The following SKP2 variants were observed in gnomAD, a reference collection of about 807,000 sequenced individuals.
SKP2 encodes S-phase kinase-associated protein 2.
Under a neutral mutation model 51.8 loss-of-function variants are expected in SKP2, and 16 were observed. The ratio of observed to expected loss-of-function variants is 0.31; its 90% CI spans 0.21 to 0.47. The LOEUF (loss-of-function observed/expected upper bound fraction) is 0.47. Among genes scored for constraint, SKP2 ranks in the 20% least tolerant of loss-of-function variants. The pLI is 1.00. For synonymous variants in SKP2, 176 were observed against 198.6 expected (o/e 0.89, Z 0.96); for missense variants, 377 against 505.3 (o/e 0.75, Z 2.43).
chr5:36,175,728 G>A lies in SKP2; in HGVS notation c.902-1237G>A, dbSNP rs190415209. On this transcript the variant is annotated intron_variant, in intron 7 of 9. Transcript: ENST00000274255. ...CGCATTGTATATATTTTGTTTACAA[G>A]CTATCCTAGTATTTTTTTAAATGTA... 2.4e-3 allele frequency among the ~76,000 whole-genome samples: 358 copies of A among 151,836 alleles called. 2 individuals carry two copies. The highest frequency in any genetic ancestry group is 3.4e-3 in the Middle Eastern group (1 of 294).
At position 36,182,283 on chromosome 5, in the gene SKP2, T is replaced by TA. The variant is rs774407982; in HGVS notation, c.*254dup. On this transcript the variant is annotated 3_prime_UTR_variant, in exon 10 of 10. Coordinates refer to ENST00000274255, the MANE Select transcript of SKP2 (RefSeq NM_005983.4). ...TTGAAATTTTAGGAGAGTGAGCCTA[T>TA]AATTTCAAGATACCTTAAAGAGCAA... 166 of 1,241,030 alleles carry TA rather than the reference T, an allele frequency of 1.3e-4. No homozygotes were observed. The highest frequency in any genetic ancestry group is 1.6e-4 in the Non-Finnish European group (158 of 989,482). The allele number at this position is 1,241,030 out of a possible 1,614,324, so 76.9% of individuals were successfully genotyped here. A position where few individuals can be genotyped will look rare whatever the true frequency, so the allele number is the denominator to read the frequency against.
intron 9 of SKP2, chr5:36,177,558 C>T: frequency 2.3e-6 from 1 of 432,080 alleles, no homozygotes; most frequent in Non-Finnish European, 4.3e-6. Context: ...GAAGACTTAG[C>T]AGAGAAGCAG....
At chr5:36,174,809 A>G (rs1171829308) in intron 7 of SKP2, among the ~76,000 whole-genome samples, 2 of 152,130 alleles carry the variant, frequency 1.3e-5, no homozygotes, top group Non-Finnish European at 2.9e-5. Context: ...AGGAATCCAT[A>G]TGCATATGTG....
intron 2 of SKP2, among the ~76,000 whole-genome samples, chr5:36,159,988 G>A (rs906654015): frequency 6.6e-6 from 1 of 152,166 alleles, no homozygotes; most frequent in East Asian, 1.9e-4. Context: ...GGAAAGGAGA[G>A]GAATATAGAA....
At chr5:36,163,912 T>A (rs1745205212) in intron 3 of SKP2, among the ~76,000 whole-genome samples, 156 bp downstream of exon 3, 2 of 152,210 alleles carry the variant, frequency 1.3e-5, no homozygotes, top group African/African-American at 4.8e-5. Context: ...TGTCCTCATT[T>A]CACAGTGGAA....
At chr5:36,185,054 A>T (rs1422706876), downstream of SKP2, among the ~76,000 whole-genome samples, 1 of 152,204 alleles carries the variant, frequency 6.6e-6, no homozygotes, top group Non-Finnish European at 1.5e-5. Context: ...GGCTGCATAA[A>T]TGTCTTCTTT....
rs145640537 is a variant in SKP2 at position 36,161,156 on chromosome 5, G to A, written c.281-2489G>A. Among the ~76,000 whole-genome samples the A allele has an allele frequency of 5.7e-4, 87 of 152,176 alleles. No homozygotes were observed. The East Asian group carries it at 8.1e-3, about 14-fold the overall frequency. ...ATCTCTCAAACTCTGAGCAGAATAA[G>A]GGTCAGGATTGTGCCTTATTTATCA... On this transcript the variant is annotated intron_variant, in intron 2 of 9. Transcript: ENST00000274255.
chr5:36,180,829 A>AT (rs1318845150), intron 9 of SKP2, among the ~76,000 whole-genome samples: 5 of 152,192 alleles, frequency 3.3e-5, no homozygotes, highest in Non-Finnish European at 7.4e-5. Flanking sequence ...GATGTTTCTG[A>AT]CTTTAGGTAA....
chr5:36,167,550 A>G (rs1421851929), intron 4 of SKP2, among the ~76,000 whole-genome samples: 1 of 152,124 alleles, frequency 6.6e-6, no homozygotes, highest in Non-Finnish European at 1.5e-5. Flanking sequence ...AATTACCTAA[A>G]AACGTCTGTA....
At chr5:36,171,382 A>G (rs1267566421) in intron 6 of SKP2, among the ~76,000 whole-genome samples, 1 of 152,160 alleles carries the variant, frequency 6.6e-6, no homozygotes, top group African/African-American at 2.4e-5. Context: ...CATTTCGAGG[A>G]GGAGGCACAT....
intron 8 of SKP2, 81 bp downstream of exon 8, chr5:36,177,097 G>T: frequency 7.6e-7 from 1 of 1,312,198 alleles, no homozygotes; most frequent in South Asian, 1.2e-5. Context: ...TCATAATGTT[G>T]AAGCAACTAA....
intron 4 of SKP2, among the ~76,000 whole-genome samples, chr5:36,167,313 G>A (rs928815790): frequency 9.2e-5 from 14 of 152,078 alleles, no homozygotes; most frequent in African/African-American, 3.4e-4. Flanking sequence ...AGTCAGGACC[G>A]CCTCTCCCAC....
intron 9 of SKP2, among the ~76,000 whole-genome samples, chr5:36,179,099 GAGA>G (rs148458966): frequency 0.019 from 2,865 of 152,206 alleles, 42 homozygotes; most frequent in Non-Finnish European, 0.027. Context: ...CACTAGAATA[GAGA>G]AGAAGAAAGA....
chr5:36,156,278 G>T (rs562152055), intron 2 of SKP2, among the ~76,000 whole-genome samples: 182 of 152,236 alleles, frequency 1.2e-3, no homozygotes, highest in African/African-American at 4.2e-3. Flanking sequence ...CAGTGGAGCC[G>T]GATTGTCATT....
chr5:36,182,585 T>C lies in SKP2; in HGVS notation c.*554T>C. On this transcript the variant is annotated 3_prime_UTR_variant, in exon 10 of 10. Transcript: ENST00000274255. Reference sequence around the variant, plus strand: ...TTTTGCCTTTAGATTTGAAATTAGGTTAATAGAAATAAGTAACCCCATGTA... The same window carrying C: ...TTTTGCCTTTAGATTTGAAATTAGGCTAATAGAAATAAGTAACCCCATGTA... 2 of 983,206 alleles carry C rather than the reference T, an allele frequency of 2.0e-6. No homozygotes were observed. The highest frequency in any genetic ancestry group is 2.4e-6 in the Non-Finnish European group (2 of 827,946). The allele number at this position is 983,206 out of a possible 1,614,324, so 60.9% of individuals were successfully genotyped here.
In SKP2 at chr5:36,182,014, A is replaced by C; in HGVS notation, c.1258A>C (p.Lys420Gln). The C allele has an allele frequency of 6.2e-7, 1 of 1,614,116 alleles. No individual in the cohort carries two copies. Among genetic ancestry groups the C allele is most frequent in the Admixed American group, 1.7e-5 (1 of 60,022 alleles). ...WGIKCRLTLQ[K>Q]PSCL ...CATCAAATGCCGACTGACACTGCAA[A>C]AGCCCAGTTGTCTATGAAGTATTTA... is the stretch of plus-strand genomic sequence containing the variant. The change falls in exon 10 of 10, where the codon AAG becomes CAG. Residue 420 changes from lysine to glutamine, a missense_variant. Physicochemically the swap from Lys to Gln is moderately conservative, Grantham distance 53 (BLOSUM62 1). This residue lies in a region of SKP2 where 262 missense variants were observed against 389.8 expected (regional missense o/e 0.67). Coordinates refer to ENST00000274255, the MANE Select transcript of SKP2 (RefSeq NM_005983.4).
Position 36,182,517 on chromosome 5 carries a change from G to A in SKP2, c.*486G>A, listed in dbSNP as rs1745843626. The A allele has an allele frequency of 1.0e-6, 1 of 985,548 alleles. No individual in the cohort carries two copies. The highest frequency in any genetic ancestry group is 4.7e-5 in the South Asian group (1 of 21,306). The allele number at this position is 985,548 out of a possible 1,614,324, so 61.1% of individuals were successfully genotyped here. ...AGAATCATAGGATAGTAGCGTCTGA[G>A]GCCATCTTTTCTAGGAATAGGAAAG... On this transcript the variant is annotated 3_prime_UTR_variant, in exon 10 of 10. Transcript: ENST00000274255.
chr5:36,152,634 A>G (rs1744776430), intron 1 of SKP2, 137 bp from the exon 2 acceptor site: 1 of 858,658 alleles, frequency 1.2e-6, no homozygotes, highest in Non-Finnish European at 1.8e-6. Context: ...AACTCGCCGC[A>G]GGCACATAAA....
chr5:36,180,361 C>T, intron 9 of SKP2: 1 of 764,744 alleles, frequency 1.3e-6, no homozygotes, highest in South Asian at 1.5e-5. Flanking sequence ...TTCCAGAAAG[C>T]AGTTTACTTA....
Sources: gnomAD v4.1 joint callset for allele counts (sites outside exome capture counted in the v4.1 genomes callset) on GRCh38, gnomAD v4.1.1 for gene constraint, gnomAD v4.1.1 regional missense constraint, MANE v1.5 for transcripts, NCBI Gene and HGNC (gene_info 2026-07-23, HGNC 2026-07-21) for gene names.